XPNPEP3: variants seen among roughly 807,000 people sequenced by gnomAD.
XPNPEP3 encodes the protein X-prolyl aminopeptidase 3, also known as xaa-Pro aminopeptidase 3.
Under a neutral mutation model 60.0 loss-of-function variants are expected in XPNPEP3, and 41 were observed. The observed-to-expected ratio is 0.68, with a 90% CI of 0.53 to 0.89. The LOEUF (loss-of-function observed/expected upper bound fraction) is 0.89, where lower values mean the gene tolerates loss of function less well. Ranked by LOEUF, XPNPEP3 falls within the 40% of genes least tolerant of loss-of-function variation. The pLI, the probability that XPNPEP3 is intolerant of heterozygous loss-of-function variation, is 0.00. For missense variants in XPNPEP3, 598 were observed against 638.9 expected (o/e 0.94, Z 0.69); for synonymous variants, 212 against 223.2 (o/e 0.95, Z 0.45).
chr22:40,872,350 T>C (rs978203694), intron 2 of XPNPEP3, among the ~76,000 whole-genome samples: 6 of 152,146 alleles, frequency 3.9e-5, no homozygotes, highest in African/African-American at 1.4e-4. Context: ...AGATGGAAAA[T>C]GTTGGTCAGT....
At chr22:40,894,186 G>A (rs2058099423) in intron 4 of XPNPEP3, among the ~76,000 whole-genome samples, 1 of 152,094 alleles carries the variant, frequency 6.6e-6, no homozygotes, top group Admixed American at 6.6e-5. Flanking sequence ...AACACAGCAA[G>A]ACTCCGTTTC....
chr22:40,868,949 A>G (rs2057992364), intron 1 of XPNPEP3, 50 bp from the exon 2 acceptor site: 1 of 1,461,476 alleles, frequency 6.8e-7, no homozygotes, highest in Non-Finnish European at 9.6e-7. Flanking sequence ...TATACCATGA[A>G]GACTTTCTAG....
In XPNPEP3 at chr22:40,926,252, T is replaced by G. The variant is rs2058234115; in HGVS notation, c.1358-17T>G. The G allele has an allele frequency of 6.2e-7, 1 of 1,614,016 alleles. No homozygotes were observed. The highest frequency in any genetic ancestry group is 1.7e-5 in the Admixed American group (1 of 59,988). On this transcript the variant is annotated splice_polypyrimidine_tract_variant and intron_variant, in intron 9 of 9. Coordinates refer to ENST00000357137, the MANE Select transcript of XPNPEP3 (RefSeq NM_022098.4). ...ACTATCATTCCTGAACAGCATGTTCTTCTTTCTACTTCACAGGCATTTATA... is the reference window on the plus strand; with the variant it reads ...ACTATCATTCCTGAACAGCATGTTCGTCTTTCTACTTCACAGGCATTTATA...
chr22:40,903,184 G>A (rs1223934663), intron 4 of XPNPEP3, among the ~76,000 whole-genome samples: 1 of 152,182 alleles, frequency 6.6e-6, no homozygotes, highest in African/African-American at 2.4e-5. Context: ...AGGAACTTTA[G>A]CAGAACAGCT....
At chr22:40,888,422 T>C (rs1350674141) in intron 4 of XPNPEP3, 1 of 442,924 alleles carries the variant, frequency 2.3e-6, no homozygotes, top group East Asian at 7.7e-5. Flanking sequence ...TTTTAAATTT[T>C]TTGTAGAGAC....
At chr22:40,882,214 A>T (rs891043561) in intron 3 of XPNPEP3, 37 bp downstream of exon 3, 6 of 1,611,930 alleles carry the variant, frequency 3.7e-6, no homozygotes, top group Non-Finnish European at 5.1e-6. Flanking sequence ...TACAAACCAG[A>T]TTGGGATTAA....
At chr22:40,903,493 A>ATTT (rs770706790) in intron 4 of XPNPEP3, among the ~76,000 whole-genome samples, 1 of 142,110 alleles carries the variant, frequency 7.0e-6, no homozygotes. Context: ...CAAGTCATTG[A>ATTT]TTTTTTTTTT....
intron 4 of XPNPEP3, among the ~76,000 whole-genome samples, chr22:40,897,024 TTCA>T (rs2058110888): frequency 6.7e-6 from 1 of 148,724 alleles, no homozygotes; most frequent in African/African-American, 2.4e-5. Flanking sequence ...CAATGTTTCC[TTCA>T]TCTTTTTTTT....
At chr22:40,882,965 T>G (rs1459179427) in intron 3 of XPNPEP3, among the ~76,000 whole-genome samples, 1 of 152,128 alleles carries the variant, frequency 6.6e-6, no homozygotes, top group East Asian at 1.9e-4. Context: ...GGTGTACGTC[T>G]GTAGTCCAGC....
At chr22:40,903,055 A>T (rs535790845) in intron 4 of XPNPEP3, among the ~76,000 whole-genome samples, 2 of 152,274 alleles carry the variant, frequency 1.3e-5, no homozygotes, top group African/African-American at 4.8e-5. Context: ...GCTCATGGAG[A>T]CCCAGTACAA....
Position 40,922,745 on chromosome 22 carries a change from C to CAT in XPNPEP3, c.1236+242_1236+243dup, listed in dbSNP as rs200552752. 7.4e-5 allele frequency among the ~76,000 whole-genome samples: 11 copies of CAT among 149,492 alleles called. No individual in the cohort carries two copies. The East Asian group carries it at 1.2e-3, about 16-fold the overall frequency. The stretch of plus-strand genomic sequence containing the variant: ...ATACACACACACACACACACACACA[C>CAT]ATATATATATACACACACATACGTA... On this transcript the variant is annotated intron_variant, in intron 8 of 9. Coordinates refer to ENST00000357137, the MANE Select transcript of XPNPEP3 (RefSeq NM_022098.4).
chr22:40,881,918 T>C lies in XPNPEP3; in HGVS notation c.330T>C (p.Asp110=). 1.2e-6 allele frequency: 2 copies of C among 1,614,134 alleles called. No individual in the cohort carries two copies. Among genetic ancestry groups the C allele is most frequent in the South Asian group, 1.1e-5 (1 of 91,072 alleles). Reference sequence around the variant, plus strand: ...ACCCTACATACTACATGAGCAACGATATTCCCTATACTTTCCACCAAGACA... The same window carrying C: ...ACCCTACATACTACATGAGCAACGACATTCCCTATACTTTCCACCAAGACA... The part of the protein sequence containing the change: ...LSNPTYYMSN[D]IPYTFHQDNN... The change falls in exon 3 of 10, where the codon GAT becomes GAC. Residue 110 remains aspartate (D), a synonymous_variant. Coordinates refer to ENST00000357137, the MANE Select transcript of XPNPEP3 (RefSeq NM_022098.4).
chr22:40,868,855 AT>A (rs754078508), intron 1 of XPNPEP3, 143 bp from the exon 2 acceptor site: 437 of 683,894 alleles, frequency 6.4e-4, no homozygotes, highest in Non-Finnish European at 9.2e-4. Context: ...TAAAAAAAAA[AT>A]AAATGAATAT....
In XPNPEP3 at chr22:40,907,572, C is replaced by G; in HGVS notation, c.793-15C>G. 6.2e-7 allele frequency: 1 copy of G among 1,612,578 alleles called. No individual in the cohort carries two copies. The highest frequency in any genetic ancestry group is 1.1e-5 in the South Asian group (1 of 91,052). On this transcript the variant is annotated splice_polypyrimidine_tract_variant and intron_variant, in intron 4 of 9. Transcript: ENST00000357137. The stretch of plus-strand genomic sequence containing the variant: ...AATGAGATCGTGTTCTTTTCATCCT[C>G]CTTTCTCTTTGCAGGCTTTCATAGA...
Position 40,882,205 on chromosome 22 carries a change from A to G in XPNPEP3, c.589+28A>G, listed in dbSNP as rs369816686. On this transcript the variant is annotated intron_variant, in intron 3 of 9. Transcript: ENST00000357137. ...AACAAATGGGAGCAGAAGTCACATT[A>G]CAAACCAGATTGGGATTAAAACCTT... 2.4e-5 allele frequency: 39 copies of G among 1,613,120 alleles called. 1 individual carries two copies. In the East Asian group the frequency reaches 2.7e-4, roughly 11 times the overall value.
chr22:40,864,724 C>T (rs766144785), intron 1 of XPNPEP3, among the ~76,000 whole-genome samples: 1 of 152,206 alleles, frequency 6.6e-6, no homozygotes, highest in Non-Finnish European at 1.5e-5. Context: ...GGATTACAGG[C>T]ATGAGCCACC....
chr22:40,867,325 C>G (rs1369980270), intron 1 of XPNPEP3, among the ~76,000 whole-genome samples: 5 of 152,168 alleles, frequency 3.3e-5, no homozygotes, highest in Non-Finnish European at 5.9e-5. Flanking sequence ...TTGCCGCTCA[C>G]TAGGTCCTCT....
At chr22:40,914,144 G>GGAA in intron 6 of XPNPEP3, 95 bp from the exon 7 acceptor site, 1 of 832,570 alleles carries the variant, frequency 1.2e-6, no homozygotes, top group Non-Finnish European at 1.8e-6. Flanking sequence ...CTCCGTCTCA[G>GGAA]AAAAAAAAAA....
chr22:40,880,662 C>A (rs2146248953), intron 2 of XPNPEP3, among the ~76,000 whole-genome samples: 1 of 151,472 alleles, frequency 6.6e-6, no homozygotes, highest in South Asian at 2.1e-4. Flanking sequence ...AAATTGTTAC[C>A]TTTTTAAAAT....
Sources: allele counts gnomAD v4.1 joint callset (sites outside exome capture counted in the v4.1 genomes callset), GRCh38; gene constraint gnomAD v4.1.1; transcripts MANE v1.5; gene names NCBI Gene and HGNC (gene_info 2026-07-23, HGNC 2026-07-21).